STARD9: variants seen among roughly 807,000 people sequenced by gnomAD.
The protein encoded by STARD9 is stAR-related lipid transfer protein 9.
STARD9 carries 346 observed loss-of-function variants against 399.8 expected under a neutral mutation model. The observed-to-expected ratio is 0.87, with a 90% CI of 0.79 to 0.95. STARD9 has a LOEUF of 0.95. Among genes scored for constraint, STARD9 ranks in the 40% least tolerant of loss-of-function variants. The probability of loss-of-function intolerance (pLI) is 0.00; values close to 1 mark genes in which losing one functional copy is unlikely to be tolerated. For synonymous variants in STARD9, 2,203 were observed against 2,143.5 expected (o/e 1.03, Z -0.77); for missense variants, 5,832 against 5,667.5 (o/e 1.03, Z -0.93).
chr15:42,705,605 A>G (rs1595813713), intron 26 of STARD9, among the ~76,000 whole-genome samples: 1 of 151,442 alleles, frequency 6.6e-6, no homozygotes, highest in East Asian at 1.9e-4. Context: ...TGCCTGGCTA[A>G]TTTTTCTTGT....
intron 1 of STARD9, among the ~76,000 whole-genome samples, chr15:42,578,533 C>T (rs2058102530): frequency 6.6e-6 from 1 of 152,052 alleles, no homozygotes; most frequent in Admixed American, 6.5e-5. Context: ...TCCAATTAAC[C>T]ATTATGAGAA....
intron 22 of STARD9, among the ~76,000 whole-genome samples, chr15:42,683,612 A>G (rs893124332): frequency 6.6e-6 from 1 of 152,112 alleles, no homozygotes; most frequent in Non-Finnish European, 1.5e-5. Flanking sequence ...TTTTTTCTCT[A>G]ACATGGTTCA....
intron 7 of STARD9, among the ~76,000 whole-genome samples, chr15:42,650,349 C>T (rs2059735232): frequency 6.6e-6 from 1 of 152,214 alleles, no homozygotes; most frequent in Admixed American, 6.5e-5. Flanking sequence ...TTCTCTGGAA[C>T]AGTTGGGAAG....
rs371556849 is a variant in STARD9, at chr15:42,661,535, A to G, written c.770+310A>G. On this transcript the variant is annotated intron_variant, in intron 10 of 32. Coordinates refer to ENST00000290607, the MANE Select transcript of STARD9 (RefSeq NM_020759.3). ...TCATGGCTCATTGTAACCCTGAACT[A>G]CTGGGCTCAAGTGACCCTCCTGCCT... 3.3e-5 allele frequency among the ~76,000 whole-genome samples: 5 copies of G among 152,034 alleles called. No individual in the cohort carries two copies. The East Asian group carries it at 7.7e-4, about 24-fold the overall frequency.
At chr15:42,697,119 T>C (rs781171246) in intron 26 of STARD9, among the ~76,000 whole-genome samples, 1 of 152,232 alleles carries the variant, frequency 6.6e-6, no homozygotes, top group Non-Finnish European at 1.5e-5. Context: ...TACCCCAGTT[T>C]GTTGTATATT....
chr15:42,658,497 T>A (rs941800024), intron 9 of STARD9, among the ~76,000 whole-genome samples: 2 of 145,802 alleles, frequency 1.4e-5, no homozygotes, highest in African/African-American at 5.1e-5. Context: ...TTTTTTTTTT[T>A]AATGAGACTG....
chr15:42,677,243 G>A (rs1215855908), intron 20 of STARD9, among the ~76,000 whole-genome samples: 1 of 152,172 alleles, frequency 6.6e-6, no homozygotes, highest in East Asian at 1.9e-4. Flanking sequence ...CAGCCTGGGC[G>A]ACAGGGCGAG....
intron 8 of STARD9, among the ~76,000 whole-genome samples, chr15:42,651,930 C>T (rs1224695918): frequency 6.6e-6 from 1 of 152,176 alleles, no homozygotes; most frequent in African/African-American, 2.4e-5. Context: ...AAAACCTCTC[C>T]TGACTTTAAG....
intron 7 of STARD9, among the ~76,000 whole-genome samples, chr15:42,639,875 A>G (rs1314303931): frequency 6.6e-6 from 1 of 152,160 alleles, no homozygotes; most frequent in Non-Finnish European, 1.5e-5. Context: ...AAAAAAAAAA[A>G]AAAGTAATGT....
Position 42,694,193 on chromosome 15 carries a change from C to T in STARD9, c.12615C>T (p.Asn4205=). 2 of 1,535,874 alleles carry T rather than the reference C, an allele frequency of 1.3e-6. No individual in the cohort carries two copies. The highest frequency in any genetic ancestry group is 2.0e-5 in the Admixed American group (1 of 50,800). Residue 4205 remains asparagine, a synonymous_variant, in exon 23 of 33, where the codon AAC becomes AAT. Coordinates refer to ENST00000290607, the MANE Select transcript of STARD9 (RefSeq NM_020759.3). ...TCCCCCTGCAAGTTGGGGCCCAGAA[C>T]CTCTCACTCAGCGTGGAACTCACAG... ...EQIPLQVGAQ[N]LSLSVELTEA... is the part of the protein sequence containing the mutation.
chr15:42,699,505 T>C (rs2060918320), intron 26 of STARD9, among the ~76,000 whole-genome samples: 1 of 149,122 alleles, frequency 6.7e-6, no homozygotes, highest in South Asian at 2.2e-4. Context: ...GCCATTCTCC[T>C]GCCTCAGCCT....
At chr15:42,702,016 A>G (rs1380762348) in intron 26 of STARD9, among the ~76,000 whole-genome samples, 2 of 149,632 alleles carry the variant, frequency 1.3e-5, no homozygotes, top group Non-Finnish European at 3.0e-5. Flanking sequence ...AAAAAAAAAA[A>G]GCTGAATGCA....
chr15:42,687,015 C>T lies in STARD9; in HGVS notation c.5437C>T (p.Gln1813Ter). The T allele has an allele frequency of 6.5e-7, 1 of 1,537,060 alleles. No homozygotes were observed. The highest frequency in any genetic ancestry group is 8.7e-7 in the Non-Finnish European group (1 of 1,146,890). The change falls in exon 23 of 33, where the codon CAG becomes TAG. Residue 1813 changes from glutamine (Q) to a stop codon, truncating the protein, a stop_gained. Coordinates refer to ENST00000290607, the MANE Select transcript of STARD9 (RefSeq NM_020759.3). LOFTEE classifies it high-confidence loss of function. Reference sequence around the variant, plus strand: ...CCAGAATTCTAAGATTGCCTCATCTCAGCAGGTCACAGCTGAGATACCAGT... The same window carrying T: ...CCAGAATTCTAAGATTGCCTCATCTTAGCAGGTCACAGCTGAGATACCAGT... ...QNQNSKIASS[Q>*]QVTAEIPVDL...
At chr15:42,667,569 C>T (rs966229064) in intron 15 of STARD9, among the ~76,000 whole-genome samples, 1 of 151,424 alleles carries the variant, frequency 6.6e-6, no homozygotes, top group African/African-American at 2.4e-5. Context: ...GTAACCTCTG[C>T]CTGCTGGGTT....
At chr15:42,699,818 T>G (rs1566956897) in intron 26 of STARD9, among the ~76,000 whole-genome samples, 1 of 152,118 alleles carries the variant, frequency 6.6e-6, no homozygotes, top group Non-Finnish European at 1.5e-5. Context: ...GCGATTCTCA[T>G]GCCTCAGCTT....
At chr15:42,592,147 C>A (rs549908970) in intron 3 of STARD9, among the ~76,000 whole-genome samples, 1 of 152,190 alleles carries the variant, frequency 6.6e-6, no homozygotes, top group African/African-American at 2.4e-5. Flanking sequence ...TTTTATCCCC[C>A]TTTTATAGTG....
chr15:42,699,994 A>G (rs967032914), intron 26 of STARD9, among the ~76,000 whole-genome samples: 2 of 152,108 alleles, frequency 1.3e-5, no homozygotes, highest in African/African-American at 4.8e-5. Context: ...GGCGTGTGAG[A>G]TCAACTTTTT....
At chr15:42,626,384 C>G (rs113551877) in intron 3 of STARD9, among the ~76,000 whole-genome samples, 4 of 111,230 alleles carry the variant, frequency 3.6e-5, no homozygotes, top group Admixed American at 8.2e-5. Flanking sequence ...CCTCTTCCTC[C>G]TCTTCCTCTT....
At chr15:42,642,141 G>A (rs189916861) in intron 7 of STARD9, among the ~76,000 whole-genome samples, 115 of 152,272 alleles carry the variant, frequency 7.6e-4, no homozygotes, top group South Asian at 3.3e-3. Flanking sequence ...AGTGGAAAGT[G>A]GTTTCTGGCA....
Sources: gnomAD v4.1 joint callset for allele counts (sites outside exome capture counted in the v4.1 genomes callset) on GRCh38, gnomAD v4.1.1 for gene constraint, MANE v1.5 for transcripts, NCBI Gene and HGNC (gene_info 2026-07-23, HGNC 2026-07-21) for gene names.